SPAG6: variants seen among roughly 807,000 people sequenced by gnomAD.
The protein encoded by SPAG6 is sperm-associated antigen 6.
A neutral mutation model predicts 58.5 loss-of-function variants in SPAG6; 49 were observed. The observed-to-expected ratio is 0.84, with a 90% confidence interval of 0.67 to 1.06. SPAG6 has a LOEUF of 1.06. Ranked by LOEUF, SPAG6 falls within the 50% of genes least tolerant of loss-of-function variation. The probability of loss-of-function intolerance (pLI) is 0.00; values close to 1 mark genes in which losing one functional copy is unlikely to be tolerated. For missense variants in SPAG6, 560 were observed against 611.3 expected, an observed-to-expected ratio of 0.92 and a Z score of 0.89; for synonymous variants, 233 against 225.6, an observed-to-expected ratio of 1.03 and a Z score of -0.29.
At chr10:22,379,474 G>C (rs1464146859) in intron 4 of SPAG6, among the ~76,000 whole-genome samples, 2 of 152,112 alleles carry the variant, frequency 1.3e-5, no homozygotes, top group African/African-American at 4.8e-5. Flanking sequence ...CCTCTCTTTT[G>C]AATCACTCAC....
In SPAG6 at chr10:22,387,631, T is replaced by G. The variant is rs982272332; in HGVS notation, c.679-192T>G. Among the ~76,000 whole-genome samples the G allele has an allele frequency of 3.3e-5, 5 of 152,180 alleles. No individual in the cohort carries two copies. The South Asian group carries it at 6.2e-4, about 19-fold the overall frequency. ...TGAGAACTAATTTGGAAATTAGGAATTTTTAGAACTTGGGTATAAGACTTG... is the reference window on the plus strand; with the variant it reads ...TGAGAACTAATTTGGAAATTAGGAAGTTTTAGAACTTGGGTATAAGACTTG... On this transcript the variant is annotated intron_variant, in intron 5 of 10. Coordinates refer to ENST00000376624, the MANE Select transcript of SPAG6 (RefSeq NM_012443.4).
chr10:22,377,406 T>C (rs1833841470), intron 4 of SPAG6, among the ~76,000 whole-genome samples: 1 of 152,228 alleles, frequency 6.6e-6, no homozygotes, highest in Non-Finnish European at 1.5e-5. Context: ...TTTAAGCTGC[T>C]CAGTTTGGGA....
intron 4 of SPAG6, among the ~76,000 whole-genome samples, chr10:22,385,574 T>A (rs1834046634): frequency 6.6e-6 from 1 of 152,180 alleles, no homozygotes; most frequent in Non-Finnish European, 1.5e-5. Context: ...CTTCCATTAA[T>A]ACTTGTTTAA....
intron 4 of SPAG6, among the ~76,000 whole-genome samples, chr10:22,376,882 C>T (rs1009203006): frequency 2.0e-5 from 3 of 151,674 alleles, no homozygotes; most frequent in East Asian, 1.9e-4. Context: ...GCCGGGAGTT[C>T]AAGACTAGCC....
intron 3 of SPAG6, among the ~76,000 whole-genome samples, chr10:22,367,335 T>G (rs1837228114): frequency 6.6e-6 from 1 of 152,152 alleles, no homozygotes; most frequent in South Asian, 2.1e-4. Context: ...ACTTATATAA[T>G]TTAAGAAACT....
chr10:22,375,434 A>G (rs145030104), intron 4 of SPAG6, among the ~76,000 whole-genome samples: 1 of 152,306 alleles, frequency 6.6e-6, no homozygotes, highest in East Asian at 1.9e-4. Flanking sequence ...TCCACAGTCT[A>G]CAGGAAAATA....
At chr10:22,375,992 A>G (rs1833807446) in intron 4 of SPAG6, among the ~76,000 whole-genome samples, 1 of 152,200 alleles carries the variant, frequency 6.6e-6, no homozygotes, top group South Asian at 2.1e-4. Context: ...TGTTCGCAGT[A>G]TGGTAGCCTC....
intron 9 of SPAG6, among the ~76,000 whole-genome samples, chr10:22,402,472 G>A (rs2130619418): frequency 6.6e-6 from 1 of 152,314 alleles, no homozygotes; most frequent in South Asian, 2.1e-4. Flanking sequence ...GAAAGATAGA[G>A]TCTGCTAACA....
Position 22,412,585 on chromosome 10 carries a change from A to G in SPAG6, c.1460+1409A>G, listed in dbSNP as rs1378675787. On this transcript the variant is annotated intron_variant, in intron 10 of 10. Transcript: ENST00000376624. ...AGCAGTGATATATCATAACATGTAT[A>G]ATTAGTCTACATATAACACTCTGTC... 7 of 882,930 alleles carry G rather than the reference A, an allele frequency of 7.9e-6. No individual in the cohort carries two copies. In the Admixed American group the frequency reaches 1.5e-4, roughly 18 times the overall value. 54.7% of individuals were successfully genotyped at this position (882,930 alleles called of 1,614,324 possible). A position where few individuals can be genotyped will look rare whatever the true frequency, so the allele number is the denominator to read the frequency against.
intron 9 of SPAG6, among the ~76,000 whole-genome samples, chr10:22,408,749 T>C (rs558698193): frequency 0.012 from 1,746 of 151,560 alleles, 45 homozygotes; most frequent in African/African-American, 0.04. Flanking sequence ...CTGCCGCCTT[T>C]CAGTTTGATC....
At chr10:22,378,591 C>G (rs185482607) in intron 4 of SPAG6, among the ~76,000 whole-genome samples, 1 of 151,826 alleles carries the variant, frequency 6.6e-6, no homozygotes, top group Non-Finnish European at 1.5e-5. Flanking sequence ...TCTTCTTTAC[C>G]GGGACACTCC....
chr10:22,358,587 G>T (rs1179222100), intron 2 of SPAG6, among the ~76,000 whole-genome samples: 18 of 148,710 alleles, frequency 1.2e-4, no homozygotes, highest in Admixed American at 5.5e-4. Flanking sequence ...TTAGTTTAAT[G>T]AGATCCCATT....
At chr10:22,357,429 A>G (rs1040775621) in intron 2 of SPAG6, among the ~76,000 whole-genome samples, 26 of 152,310 alleles carry the variant, frequency 1.7e-4, no homozygotes, top group African/African-American at 5.8e-4. Flanking sequence ...AGAGTAATTC[A>G]AAAATGTATG....
intron 4 of SPAG6, among the ~76,000 whole-genome samples, chr10:22,386,407 C>T (rs1319135973): frequency 2.0e-5 from 3 of 151,512 alleles, no homozygotes; most frequent in African/African-American, 7.3e-5. Flanking sequence ...TTATTGTAAA[C>T]CATGCATAAA....
chr10:22,365,011 G>T lies in SPAG6; in HGVS notation c.280G>T (p.Glu94Ter). 1 of 1,587,634 alleles carries T rather than the reference G, an allele frequency of 6.3e-7. No individual in the cohort carries two copies. The highest frequency in any genetic ancestry group is 8.5e-7 in the Non-Finnish European group (1 of 1,170,636). The change falls in exon 3 of 11, where the codon GAA (glutamate) becomes TAA (stop). Residue 94 changes from glutamate (E) to a stop codon, truncating the protein, a stop_gained. Transcript: ENST00000376624. LOFTEE classifies it high-confidence loss of function. ...ILPQLVYSLAEQNRFYKKAAA... is the reference protein window; with the variant it reads ...ILPQLVYSLA ...TCCACAGCTTGTTTATTCATTGGCA[G>T]AACAGAATGTAAGAATTAAAAAAAA...
intron 9 of SPAG6, among the ~76,000 whole-genome samples, chr10:22,407,033 C>G (rs1448828907): frequency 6.6e-6 from 1 of 152,042 alleles, no homozygotes; most frequent in Non-Finnish European, 1.5e-5. Flanking sequence ...ATGTGTGTCT[C>G]TGCACGTGAG....
At chr10:22,409,517 G>GAC (rs1834670056) in intron 9 of SPAG6, among the ~76,000 whole-genome samples, 1 of 152,166 alleles carries the variant, frequency 6.6e-6, no homozygotes, top group South Asian at 2.1e-4. Context: ...GAGGAGAGCA[G>GAC]ACAAAACAAT....
At chr10:22,403,457 T>C (rs900570779) in intron 9 of SPAG6, among the ~76,000 whole-genome samples, 4 of 152,220 alleles carry the variant, frequency 2.6e-5, no homozygotes, top group African/African-American at 9.6e-5. Context: ...CTACAAAGGA[T>C]GTGAACTCAT....
intron 2 of SPAG6, among the ~76,000 whole-genome samples, chr10:22,353,701 C>T (rs937447882): frequency 5.3e-5 from 8 of 152,186 alleles, no homozygotes; most frequent in Admixed American, 1.3e-4. Flanking sequence ...AAATCGGAGG[C>T]ATAGTCCCTG....
Sources: gnomAD v4.1 joint callset for allele counts (sites outside exome capture counted in the v4.1 genomes callset) on GRCh38, gnomAD v4.1.1 for gene constraint, MANE v1.5 for transcripts, NCBI Gene and HGNC (gene_info 2026-07-23, HGNC 2026-07-21) for gene names.